VTI1A: variants seen among roughly 807,000 people sequenced by gnomAD.
VTI1A encodes the protein vesicle transport through interaction with t-SNAREs 1A.
Under a neutral mutation model 34.9 loss-of-function variants are expected in VTI1A, and 22 were observed. The ratio of observed to expected loss-of-function variants is 0.63; its 90% CI spans 0.45 to 0.90. VTI1A has a LOEUF of 0.90. Among genes scored for constraint, VTI1A ranks in the 40% least tolerant of loss-of-function variants. The probability of loss-of-function intolerance (pLI) is 0.00; values close to 1 mark genes in which losing one functional copy is unlikely to be tolerated. For synonymous variants in VTI1A, 87 were observed against 97.3 expected (o/e 0.89, Z 0.62); for missense variants, 268 against 275.6 (o/e 0.97, Z 0.20).
At chr10:112,822,211 G>A (rs550191810), downstream of VTI1A, among the ~76,000 whole-genome samples, 8 of 152,204 alleles carry the variant, frequency 5.3e-5, no homozygotes, top group Non-Finnish European at 1.0e-4. Flanking sequence ...AGGTTGCCCC[G>A]TATCAGCTGC....
chr10:112,641,352 G>T (rs1407807314), intron 5 of VTI1A, among the ~76,000 whole-genome samples: 1 of 152,112 alleles, frequency 6.6e-6, no homozygotes, highest in Admixed American at 6.6e-5. Context: ...GGAAAAAACA[G>T]AATAGCCACT....
chr10:112,448,178 C>T (rs1207086716), intron 1 of VTI1A, among the ~76,000 whole-genome samples: 2 of 152,174 alleles, frequency 1.3e-5, no homozygotes, highest in African/African-American at 4.8e-5. Flanking sequence ...TATTTAAAGT[C>T]ACTTTTGGTG....
chr10:112,681,150 A>T (rs763908800), intron 7 of VTI1A, among the ~76,000 whole-genome samples: 1 of 150,648 alleles, frequency 6.6e-6, no homozygotes, highest in Non-Finnish European at 1.5e-5. Flanking sequence ...ACAATAGCTC[A>T]CTGCAACCTC....
At chr10:112,660,512 C>A (rs1847408173) in intron 5 of VTI1A, among the ~76,000 whole-genome samples, 1 of 152,132 alleles carries the variant, frequency 6.6e-6, no homozygotes, top group South Asian at 2.1e-4. Context: ...CTAAATTAAA[C>A]CCCAAGTGAA....
chr10:112,847,937 T>G, the VTI1A span, among the ~76,000 whole-genome samples: 138 of 152,242 alleles, frequency 9.1e-4, no homozygotes, highest in Non-Finnish European at 1.5e-3. Flanking sequence ...AGAAACCATC[T>G]TGGACAGTCA....
chr10:112,753,742 C>T (rs528318687), intron 7 of VTI1A, among the ~76,000 whole-genome samples: 5 of 152,178 alleles, frequency 3.3e-5, no homozygotes, highest in South Asian at 4.2e-4. Flanking sequence ...GATTATTTTT[C>T]GTGAATATAT....
chr10:112,488,385 A>G (rs1848714320), intron 3 of VTI1A, among the ~76,000 whole-genome samples: 1 of 152,200 alleles, frequency 6.6e-6, no homozygotes, highest in Non-Finnish European at 1.5e-5. Context: ...CTCTGTATTA[A>G]GTGAAGAGTA....
At chr10:112,651,541 C>T (rs1847019274) in intron 5 of VTI1A, among the ~76,000 whole-genome samples, 1 of 152,140 alleles carries the variant, frequency 6.6e-6, no homozygotes, top group Admixed American at 6.5e-5. Context: ...GATCTCTTGA[C>T]CTTGTGATCC....
At chr10:112,689,044 AACTGGGT>A (rs1417066007) in intron 7 of VTI1A, among the ~76,000 whole-genome samples, 1 of 152,166 alleles carries the variant, frequency 6.6e-6, no homozygotes. Context: ...CAGTTTTGAC[AACTGGGT>A]ACTGAGAATT....
intron 3 of VTI1A, among the ~76,000 whole-genome samples, chr10:112,494,294 C>T (rs551531733): frequency 2.6e-5 from 4 of 152,084 alleles, no homozygotes; most frequent in Non-Finnish European, 5.9e-5. Context: ...AATGTCTCCT[C>T]TTCTGTTCAT....
chr10:112,447,194 C>CCGGAGAACCGAGATTGCGA (rs1205944059), upstream of VTI1A: 1 of 590,574 alleles, frequency 1.7e-6, no homozygotes, highest in Non-Finnish European at 2.9e-6. Context: ...AACCCAATTT[C>CCGGAGAACCGAGATTGCGA]CGGAGAACCG....
chr10:112,627,510 A>G (rs1004505402), intron 5 of VTI1A, among the ~76,000 whole-genome samples: 3 of 152,112 alleles, frequency 2.0e-5, no homozygotes, highest in African/African-American at 7.2e-5. Flanking sequence ...ACCCCTACCC[A>G]TCTATCTCTC....
intron 1 of VTI1A, among the ~76,000 whole-genome samples, chr10:112,458,497 C>T (rs1298782737): frequency 6.6e-6 from 1 of 151,924 alleles, no homozygotes; most frequent in African/African-American, 2.4e-5. Flanking sequence ...GCTTATTTTT[C>T]TTAGGGAGAA....
At chr10:112,785,487 T>A (rs1171097724) in intron 7 of VTI1A, among the ~76,000 whole-genome samples, 1 of 152,262 alleles carries the variant, frequency 6.6e-6, no homozygotes, top group African/African-American at 2.4e-5. Context: ...ATGGGGAATT[T>A]TGAAAAGCAA....
the VTI1A span, chr10:112,832,052 A>G: frequency 6.6e-6 from 1 of 152,130 alleles, no homozygotes; most frequent in Non-Finnish European, 1.5e-5. Flanking sequence ...AGGAGAGAAA[A>G]AGGATAGCTC....
In VTI1A at chr10:112,470,761, G is replaced by A. The variant is rs182419439; in HGVS notation, c.264+6104G>A. On this transcript the variant is annotated intron_variant, in intron 3 of 7. Transcript: ENST00000393077. ...GCAAAAATTAGCCGGGCATGGTGGC[G>A]CACACTTGTAATCCCAGCTACTTGG... Among the ~76,000 whole-genome samples, 277 of 152,048 alleles carry A rather than the reference G, an allele frequency of 1.8e-3. 1 individual carries two copies. The highest frequency in any genetic ancestry group is 2.8e-3 in the Non-Finnish European group (190 of 67,974).
chr10:112,635,676 G>T (rs1846327541), intron 5 of VTI1A, among the ~76,000 whole-genome samples: 1 of 152,174 alleles, frequency 6.6e-6, no homozygotes, highest in African/African-American at 2.4e-5. Flanking sequence ...GAATGGAAAA[G>T]AAACAAGTAT....
At chr10:112,494,665 C>T (rs1848950114) in intron 3 of VTI1A, among the ~76,000 whole-genome samples, 1 of 152,152 alleles carries the variant, frequency 6.6e-6, no homozygotes, top group Admixed American at 6.5e-5. Context: ...CATGCCACAA[C>T]ACCCAGCTAA....
intron 3 of VTI1A, among the ~76,000 whole-genome samples, chr10:112,476,658 C>T (rs1375981432): frequency 6.6e-6 from 1 of 152,120 alleles, no homozygotes; most frequent in African/African-American, 2.4e-5. Flanking sequence ...CAATTTAATA[C>T]CACAAACTGA....
Sources: gnomAD v4.1 joint callset for allele counts (sites outside exome capture counted in the v4.1 genomes callset) on GRCh38, gnomAD v4.1.1 for gene constraint, MANE v1.5 for transcripts, NCBI Gene and HGNC (gene_info 2026-07-23, HGNC 2026-07-21) for gene names.